The following CHL1 variants were observed in gnomAD, a reference collection of about 807,000 sequenced individuals.
CHL1 encodes the protein cell adhesion molecule L1 like, also known as neural cell adhesion molecule L1-like protein.
A neutral mutation model predicts 141.9 loss-of-function variants in CHL1; 96 were observed. The observed-to-expected ratio is 0.68, with a 90% CI of 0.57 to 0.80. The LOEUF is 0.80. Among genes scored for constraint, CHL1 ranks in the 30% least tolerant of loss-of-function variants. The pLI is 0.00. For missense variants in CHL1, 1,820 were observed against 1,457.2 expected (o/e 1.25, Z -4.05); for synonymous variants, 613 against 502.2 (o/e 1.22, Z -2.95).
intron 16 of CHL1, among the ~76,000 whole-genome samples, chr3:381,425 G>C (rs1707024993): frequency 6.6e-6 from 1 of 152,140 alleles, no homozygotes; most frequent in South Asian, 2.1e-4. Context: ...AACAAGAACT[G>C]GTCAGCTCAT....
chr3:308,456 T>A (rs1381441986), intron 2 of CHL1, among the ~76,000 whole-genome samples: 2 of 151,924 alleles, frequency 1.3e-5, no homozygotes, highest in African/African-American at 4.8e-5. Flanking sequence ...AACAATTTGA[T>A]TAACACAAAA....
intron 2 of CHL1, among the ~76,000 whole-genome samples, chr3:293,494 C>A (rs1035049465): frequency 6.6e-6 from 1 of 151,944 alleles, no homozygotes; most frequent in Non-Finnish European, 1.5e-5. Flanking sequence ...CACAGAGTGA[C>A]ACTCCATCAA....
chr3:357,105 A>C (rs899261725), intron 11 of CHL1, among the ~76,000 whole-genome samples: 1 of 152,188 alleles, frequency 6.6e-6, no homozygotes, highest in African/African-American at 2.4e-5. Context: ...AAGGCTGAAA[A>C]TAAACTTATG....
At position 399,077 on chromosome 3, in the gene CHL1, C is replaced by CGAT. The variant is rs1490557980; in HGVS notation, c.3315_3317dup (p.Ala1105_Ile1106insMet). 2.5e-6 allele frequency: 4 copies of CGAT among 1,601,868 alleles called. No homozygotes were observed. Among genetic ancestry groups the CGAT allele is most frequent in the Non-Finnish European group, 3.4e-6 (4 of 1,168,998 alleles). ...GGCTGGTTTATTGGACTGATGTGTG[C>CGAT]GATTGCTCTTCTCACACTACTATTA... On this transcript the variant is annotated inframe_insertion, in exon 26 of 28. Coordinates refer to ENST00000256509, the MANE Select transcript of CHL1 (RefSeq NM_006614.4).
intron 4 of CHL1, 128 bp downstream of exon 4, chr3:326,192 A>T: frequency 1.9e-6 from 1 of 536,384 alleles, no homozygotes. Context: ...GTTTACAAAA[A>T]ATCATATCCA....
At chr3:403,778 T>C (rs770309476) in intron 27 of CHL1, among the ~76,000 whole-genome samples, 1 of 152,196 alleles carries the variant, frequency 6.6e-6, no homozygotes, top group Non-Finnish European at 1.5e-5. Flanking sequence ...CCAAACTACA[T>C]ATTTATCAGG....
chr3:337,122 T>G (rs1701926564), intron 5 of CHL1, among the ~76,000 whole-genome samples: 1 of 152,026 alleles, frequency 6.6e-6, no homozygotes, highest in Admixed American at 6.6e-5. Flanking sequence ...ATAGTGGCAT[T>G]AGATAGAAAG....
intron 9 of CHL1, 99 bp from the exon 10 acceptor site, chr3:349,260 G>A (rs1703034954): frequency 2.0e-6 from 2 of 997,168 alleles, no homozygotes; most frequent in South Asian, 1.5e-5. Flanking sequence ...ATGAGCACAT[G>A]TGTAAAAGCA....
intron 2 of CHL1, among the ~76,000 whole-genome samples, chr3:310,181 G>C (rs905165132): frequency 6.6e-6 from 1 of 152,190 alleles, no homozygotes; most frequent in Non-Finnish European, 1.5e-5. Context: ...ACAGTGGCTA[G>C]CACTTTGGGA....
intron 24 of CHL1, among the ~76,000 whole-genome samples, chr3:395,359 T>A (rs1438302802): frequency 6.6e-6 from 1 of 152,220 alleles, no homozygotes; most frequent in African/African-American, 2.4e-5. Flanking sequence ...GCCAAGCAAC[T>A]GTCTGGGAAA....
chr3:373,870 G>T (rs1057371911), intron 15 of CHL1: 1 of 152,336 alleles, frequency 6.6e-6, no homozygotes, highest in Non-Finnish European at 1.5e-5. Flanking sequence ...GCTCTCAGGT[G>T]GACCACTGCA....
At chr3:346,628 T>C (rs1265969204) in intron 9 of CHL1, among the ~76,000 whole-genome samples, 1 of 152,186 alleles carries the variant, frequency 6.6e-6, no homozygotes, top group Non-Finnish European at 1.5e-5. Flanking sequence ...AAAATATATG[T>C]TGTTGTGAGG....
intron 2 of CHL1, among the ~76,000 whole-genome samples, chr3:300,654 A>C (rs1698638909): frequency 6.6e-6 from 1 of 152,068 alleles, no homozygotes; most frequent in Non-Finnish European, 1.5e-5. Flanking sequence ...AATGTTTCTT[A>C]CTCTCCTGAG....
intron 6 of CHL1, among the ~76,000 whole-genome samples, chr3:341,203 T>C (rs982243388): frequency 3.3e-5 from 5 of 152,134 alleles, no homozygotes; most frequent in African/African-American, 1.2e-4. Flanking sequence ...TACCTGCTAA[T>C]TGCAGTCACC....
chr3:384,675 T>A (rs1707461072), intron 19 of CHL1: 1 of 152,214 alleles, frequency 6.6e-6, no homozygotes. Context: ...TTGGCCTACC[T>A]AAAAGGAAAT....
chr3:223,322 A>G (rs76034246), intron 1 of CHL1, among the ~76,000 whole-genome samples: 2,709 of 152,328 alleles, frequency 0.018, 35 homozygotes, highest in Non-Finnish European at 0.027. Context: ...CTATGAAGTT[A>G]ATATTAGAAG....
At chr3:340,423 A>G (rs573563701) in intron 5 of CHL1, among the ~76,000 whole-genome samples, 3 of 152,350 alleles carry the variant, frequency 2.0e-5, no homozygotes, top group Non-Finnish European at 2.9e-5. Context: ...GCAACCGCCC[A>G]AAGTGAAATC....
At chr3:202,142 C>G (rs531669931) in intron 1 of CHL1, among the ~76,000 whole-genome samples, 1 of 152,282 alleles carries the variant, frequency 6.6e-6, no homozygotes, top group East Asian at 1.9e-4. Context: ...CTAGTTTCTT[C>G]TTTAGAAACG....
intron 2 of CHL1, among the ~76,000 whole-genome samples, chr3:252,359 C>CAAATATATAT (rs1368507489): frequency 3.7e-5 from 1 of 26,766 alleles, no homozygotes; most frequent in Non-Finnish European, 6.8e-5. Flanking sequence ...AGAAAGCATC[C>CAAATATATAT]AGATATATAT....
Sources: allele counts gnomAD v4.1 joint callset (sites outside exome capture counted in the v4.1 genomes callset), GRCh38; gene constraint gnomAD v4.1.1; transcripts MANE v1.5; gene names NCBI Gene and HGNC (gene_info 2026-07-23, HGNC 2026-07-21).